The following MCF2L variants were observed in gnomAD, a reference collection of about 807,000 sequenced individuals.
MCF2L encodes the protein guanine nucleotide exchange factor DBS.
MCF2L carries 97 observed loss-of-function variants against 153.4 expected under a neutral mutation model. The ratio of observed to expected loss-of-function variants is 0.63; its 90% CI spans 0.54 to 0.75. The LOEUF (loss-of-function observed/expected upper bound fraction) is 0.75. MCF2L is among the 30% of genes least tolerant of loss of function. The pLI is 0.00. For missense variants in MCF2L, 1,347 were observed against 1,495.2 expected (o/e 0.90, Z 1.64); for synonymous variants, 659 against 632.2 (o/e 1.04, Z -0.64).
intron 2 of MCF2L, chr13:112,956,353 A>G (rs957078209): frequency 2.6e-5 from 4 of 152,274 alleles, no homozygotes; most frequent in Non-Finnish European, 4.4e-5. Flanking sequence ...ATCTTTTTAG[A>G]GCCAAAACAT....
intron 3 of MCF2L, among the ~76,000 whole-genome samples, chr13:113,041,788 G>A (rs9577435): frequency 0.013 from 1,960 of 152,274 alleles, 40 homozygotes; most frequent in East Asian, 0.092. Flanking sequence ...TGGGGGCTGC[G>A]CAGGGCAGGA....
In MCF2L at chr13:113,070,070, A is replaced by G. The variant is rs1475552333; in HGVS notation, c.893A>G (p.Gln298Arg). 1.2e-6 allele frequency: 2 copies of G among 1,609,164 alleles called. No individual in the cohort carries two copies. Among genetic ancestry groups the G allele is most frequent in the Non-Finnish European group, 1.7e-6 (2 of 1,178,226 alleles). The change falls in exon 9 of 30, where the codon CAG becomes CGG. Residue 298 changes from glutamine (Q) to arginine (R), a missense_variant. Coordinates refer to ENST00000535094, the MANE Select transcript of MCF2L (RefSeq NM_001112732.3). The surrounding 1 kb of genome is among the most constrained non-coding windows in gnomAD (Gnocchi z 5.6). The stretch of plus-strand genomic sequence containing the variant: ...CTCCTCTTTCCCAGGCTCCTGGCCC[A>G]GCTGAACGAAACCGAGGCTGCCTTC... Reference protein sequence around the residue: ...NQATVQRLLAQLNETEAAFDE... With the variant: ...NQATVQRLLARLNETEAAFDE...
At chr13:112,952,309 CT>C (rs1025250829) in intron 2 of MCF2L, among the ~76,000 whole-genome samples, 16 of 152,310 alleles carry the variant, frequency 1.1e-4, no homozygotes, top group African/African-American at 3.8e-4. Flanking sequence ...GCTCAGAGAC[CT>C]TGCAGCCCCA....
chr13:113,025,633 T>C (rs5026910), intron 3 of MCF2L, among the ~76,000 whole-genome samples: 6,010 of 68,118 alleles, frequency 0.088, no homozygotes, highest in South Asian at 0.2. Flanking sequence ...GGTTTCCCCA[T>C]TGTGGGGTCC....
intron 18 of MCF2L, among the ~76,000 whole-genome samples, chr13:113,084,373 C>T (rs1178954268): frequency 7.2e-6 from 1 of 138,972 alleles, no homozygotes; most frequent in East Asian, 2.1e-4. Context: ...CCAGAACCTC[C>T]TTTGCCCCCA....
chr13:113,082,573 C>A, intron 17 of MCF2L, 31 bp downstream of exon 17: 1 of 1,434,812 alleles, frequency 7.0e-7, no homozygotes, highest in Non-Finnish European at 9.8e-7. Context: ...CAGGCACGCA[C>A]CCGTGATCTC....
At chr13:113,076,202 C>A in intron 12 of MCF2L, 45 bp downstream of exon 12, 3 of 1,414,444 alleles carry the variant, frequency 2.1e-6, no homozygotes, top group South Asian at 2.6e-5. Flanking sequence ...CTGTCCCGAG[C>A]AGTGAGGCAT....
At position 112,915,089 on chromosome 13, in the gene MCF2L, C is replaced by G. The variant is rs568610736; in HGVS notation, c.169+12718C>G. ...TATGGGTCCAAGTTTGCTTTTCTGA[C>G]CTGGGGATCCTAACATCGTTCATCA... On this transcript the variant is annotated intron_variant, in intron 2 of 29. Coordinates refer to the MCF2L transcript ENST00000375608. 5.9e-4 allele frequency among the ~76,000 whole-genome samples: 89 copies of G among 152,066 alleles called. 1 individual carries two copies. Among genetic ancestry groups the G allele is most frequent in the African/African-American group, 2.1e-3 (89 of 41,464 alleles).
intron 1 of MCF2L, 83 bp from the exon 2 acceptor site, chr13:113,014,680 A>C (rs1417482749): frequency 2.8e-5 from 33 of 1,185,406 alleles, no homozygotes; most frequent in African/African-American, 4.5e-5. Flanking sequence ...TGGATGTGCC[A>C]GCTCCGTGTG....
upstream of MCF2L, chr13:112,967,606 T>C (rs2081910571): frequency 6.6e-6 from 1 of 152,308 alleles, no homozygotes; most frequent in Admixed American, 6.5e-5. Context: ...GTAGGCACTA[T>C]AAGGGGGAGT....
At chr13:112,930,170 A>G (rs528957040) in intron 2 of MCF2L, among the ~76,000 whole-genome samples, 1 of 152,296 alleles carries the variant, frequency 6.6e-6, no homozygotes, top group Non-Finnish European at 1.5e-5. Flanking sequence ...CACTCTTACC[A>G]TACAGTCCAG....
At chr13:113,083,071 C>T (rs498836) in intron 17 of MCF2L, among the ~76,000 whole-genome samples, 81,501 of 152,104 alleles carry the variant, frequency 0.54, 22,529 homozygotes, top group Non-Finnish European at 0.6. Context: ...GTGGCCTGTC[C>T]GGCCTCTTGT....
rs919183568 is a variant in MCF2L at position 113,031,595 on chromosome 13, G to A, written c.278+6837G>A. 9.2e-5 allele frequency among the ~76,000 whole-genome samples: 14 copies of A among 152,126 alleles called. No homozygotes were observed. Among genetic ancestry groups the A allele is most frequent in the Non-Finnish European group, 1.8e-4 (12 of 68,010 alleles). On this transcript the variant is annotated intron_variant, in intron 3 of 29. Transcript: ENST00000535094. This position sits in a 1 kb window ranked among gnomAD's most constrained non-coding sequence, Gnocchi z 5.5. Reference sequence around the variant, plus strand: ...GGGTGGAGGGAGAATGCGGGGTGGAGGGAGGAGCTGGGAGATGGGGAGGAG... The same window carrying A: ...GGGTGGAGGGAGAATGCGGGGTGGAAGGAGGAGCTGGGAGATGGGGAGGAG...
chr13:112,910,333 G>T (rs2140519985), intron 2 of MCF2L: 1 of 152,290 alleles, frequency 6.6e-6, no homozygotes, highest in East Asian at 1.9e-4. Flanking sequence ...GAATTTAAAA[G>T]AAGAAAATGA....
At chr13:112,939,590 C>G (rs1378304022) in intron 2 of MCF2L, among the ~76,000 whole-genome samples, 3 of 152,204 alleles carry the variant, frequency 2.0e-5, no homozygotes, top group African/African-American at 7.2e-5. Context: ...CCTGAAGATC[C>G]ACTGATGCTA....
At chr13:112,998,644 C>T (rs1003834952) in intron 1 of MCF2L, among the ~76,000 whole-genome samples, 1 of 152,186 alleles carries the variant, frequency 6.6e-6, no homozygotes, top group Non-Finnish European at 1.5e-5. Flanking sequence ...ATCGACTTGG[C>T]CTGGACTTGG....
intron 3 of MCF2L, among the ~76,000 whole-genome samples, chr13:113,036,448 C>T (rs539750330): frequency 1.3e-5 from 2 of 152,334 alleles, no homozygotes; most frequent in Non-Finnish European, 2.9e-5. Flanking sequence ...GGGGCTTTTC[C>T]TACGAGCTTT....
rs1191613064 is a variant in MCF2L at position 113,082,538 on chromosome 13, A to G, written c.1987A>G (p.Asn663Asp). ...GNMEEIYHFH[N>D]RIFLRELENY... ...CATGGAGGAAATCTATCACTTCCACAACAGGTGGGCCCTTCCCCCCGACAC... is the reference window on the plus strand; with the variant it reads ...CATGGAGGAAATCTATCACTTCCACGACAGGTGGGCCCTTCCCCCCGACAC... The change falls in exon 17 of 30, where the codon AAC becomes GAC. Residue 663 changes from asparagine (N) to aspartate (D), a missense_variant. Coordinates refer to ENST00000535094, the MANE Select transcript of MCF2L (RefSeq NM_001112732.3). The G allele has an allele frequency of 1.9e-6, 3 of 1,605,942 alleles. No individual in the cohort carries two copies. The South Asian group carries it at 3.3e-5, about 18-fold the overall frequency.
rs1392411998 is a variant in MCF2L, at chr13:112,960,720, G to C, written c.170-54043G>C. 1.3e-5 allele frequency among the ~76,000 whole-genome samples: 2 copies of C among 152,158 alleles called. No individual in the cohort carries two copies. Among genetic ancestry groups the C allele is most frequent in the African/African-American group, 4.8e-5 (2 of 41,430 alleles). ...GGCTAGTCCCTTCTGGAGGCTCCAG[G>C]AAGAATCCTTTCCTCGCCCTGTCCA... On this transcript the variant is annotated intron_variant, in intron 2 of 29. Coordinates refer to the MCF2L transcript ENST00000375608. This position sits in a 1 kb window ranked among gnomAD's most constrained non-coding sequence, Gnocchi z 4.2.
Sources: gnomAD v4.1 joint callset for allele counts (sites outside exome capture counted in the v4.1 genomes callset) on GRCh38, gnomAD v4.1.1 for gene constraint, Gnocchi (gnomAD v3.1) non-coding constraint, MANE v1.5 for transcripts, NCBI Gene and HGNC (gene_info 2026-07-23, HGNC 2026-07-21) for gene names.